The following SLC35F4 variants were observed in gnomAD, a reference collection of about 807,000 sequenced individuals.
The protein encoded by SLC35F4 is chromosome 14 open reading frame 36.
In SLC35F4, 24 loss-of-function variants were observed where a neutral mutation model predicts 44.2. The observed-to-expected ratio is 0.54, with a 90% CI of 0.39 to 0.76. SLC35F4 has a LOEUF of 0.76. Ranked by LOEUF, SLC35F4 falls within the 30% of genes least tolerant of loss-of-function variation. The probability of loss-of-function intolerance (pLI) is 0.00; values close to 1 mark genes in which losing one functional copy is unlikely to be tolerated. For synonymous variants in SLC35F4, 238 were observed against 223.6 expected, an observed-to-expected ratio of 1.06 and a Z score of -0.57; for missense variants, 562 against 586.1, an observed-to-expected ratio of 0.96 and a Z score of 0.42.
chr14:57,950,321 G>A (rs1890111581), intron 1 of SLC35F4, among the ~76,000 whole-genome samples: 1 of 151,730 alleles, frequency 6.6e-6, no homozygotes, highest in South Asian at 2.1e-4. Context: ...AGTCTCTACT[G>A]AAAGTTTCCA....
chr14:57,746,574 A>G (rs1214973244), intron 1 of SLC35F4, among the ~76,000 whole-genome samples: 1 of 151,938 alleles, frequency 6.6e-6, no homozygotes, highest in African/African-American at 2.4e-5. Context: ...TTTTGTATCT[A>G]TTTCATGAGG....
intron 3 of SLC35F4, among the ~76,000 whole-genome samples, chr14:57,586,902 C>G (rs567667066): frequency 1.5e-4 from 23 of 150,572 alleles, no homozygotes; most frequent in Non-Finnish European, 3.2e-4. Flanking sequence ...GCAATCTACC[C>G]TTCTGACAAA....
rs1555384207 is a variant in SLC35F4 at position 57,758,001 on chromosome 14, A to ATATGTGTG, written c.103+107721_103+107722insCACACATA. Among the ~76,000 whole-genome samples, 144 of 129,020 alleles carry ATATGTGTG rather than the reference A, an allele frequency of 1.1e-3. No homozygotes were observed. In the East Asian group the frequency reaches 0.018, roughly 16 times the overall value. 84.6% of individuals were successfully genotyped at this position (129,020 alleles called of 152,430 possible). ...TTTCTGGGTATAGGATTATAGGTTC[A>ATATGTGTG]TGTGTGTGTGTGTGTGTGTGTGTGT... On this transcript the variant is annotated intron_variant, in intron 1 of 7. Transcript: ENST00000556826.
intron 1 of SLC35F4, among the ~76,000 whole-genome samples, chr14:57,815,430 G>A (rs1566877052): frequency 6.6e-6 from 1 of 152,174 alleles, no homozygotes; most frequent in Non-Finnish European, 1.5e-5. Context: ...TCTAAGTCGT[G>A]TACAGAAAAT....
chr14:57,886,716 G>A (rs1595268639), intron 1 of SLC35F4, among the ~76,000 whole-genome samples: 1 of 151,986 alleles, frequency 6.6e-6, no homozygotes. Flanking sequence ...CCTCTGCAAA[G>A]GCCATGTCTT....
chr14:57,793,000 A>G (rs1450448021), intron 1 of SLC35F4, among the ~76,000 whole-genome samples: 2 of 152,172 alleles, frequency 1.3e-5, no homozygotes, highest in East Asian at 3.9e-4. Context: ...TTTTAAATTA[A>G]AAGCACTCAG....
chr14:57,956,361 A>T (rs1355853257), intron 1 of SLC35F4, among the ~76,000 whole-genome samples: 2 of 152,242 alleles, frequency 1.3e-5, no homozygotes, highest in African/African-American at 2.4e-5. Context: ...AGGCAATACC[A>T]TTCAGGACAT....
intron 1 of SLC35F4, among the ~76,000 whole-genome samples, chr14:57,943,859 T>C (rs1385915883): frequency 6.6e-6 from 1 of 152,224 alleles, no homozygotes; most frequent in Non-Finnish European, 1.5e-5. Flanking sequence ...TTCTTCTTTC[T>C]TGGACTTCCT....
intron 1 of SLC35F4, among the ~76,000 whole-genome samples, chr14:57,904,707 T>C (rs551587496): frequency 5.3e-5 from 8 of 152,254 alleles, no homozygotes; most frequent in African/African-American, 1.9e-4. Context: ...GTGGATACCG[T>C]TATTCTCTCC....
At chr14:57,674,687 G>A (rs1011726331) in intron 1 of SLC35F4, among the ~76,000 whole-genome samples, 19 of 152,154 alleles carry the variant, frequency 1.2e-4, no homozygotes, top group African/African-American at 4.6e-4. Context: ...CCTTTTTATG[G>A]ATGTTGGTAA....
At chr14:57,666,222 C>A (rs912598596) in intron 1 of SLC35F4, among the ~76,000 whole-genome samples, 4 of 152,336 alleles carry the variant, frequency 2.6e-5, no homozygotes, top group African/African-American at 7.2e-5. Flanking sequence ...ATCACAGAAT[C>A]TGTACGCATG....
chr14:57,893,632 C>T (rs115088368), intron 1 of SLC35F4, among the ~76,000 whole-genome samples: 25 of 152,244 alleles, frequency 1.6e-4, no homozygotes, highest in African/African-American at 6.0e-4. Flanking sequence ...TCTCTATGTC[C>T]AAGCACCTGC....
chr14:57,958,984 C>G (rs772300769), intron 1 of SLC35F4, among the ~76,000 whole-genome samples: 3 of 152,066 alleles, frequency 2.0e-5, no homozygotes, highest in African/African-American at 7.2e-5. Context: ...AAAAACAAAG[C>G]CAGAGGTGCA....
chr14:57,938,319 A>C (rs1889853171), intron 1 of SLC35F4, among the ~76,000 whole-genome samples: 1 of 152,194 alleles, frequency 6.6e-6, no homozygotes, highest in Non-Finnish European at 1.5e-5. Context: ...GTTCAGTCAC[A>C]AAGGGGAAGA....
chr14:57,645,186 C>T (rs1321660903), intron 1 of SLC35F4, among the ~76,000 whole-genome samples: 4 of 152,150 alleles, frequency 2.6e-5, no homozygotes, highest in African/African-American at 9.7e-5. Flanking sequence ...ATGGGGATGG[C>T]ATTGAATCTA....
chr14:57,707,368 T>A (rs1652136828), intron 1 of SLC35F4, among the ~76,000 whole-genome samples: 2 of 152,192 alleles, frequency 1.3e-5, no homozygotes, highest in Admixed American at 1.3e-4. Flanking sequence ...TCACCCATGC[T>A]GTTTTTATGA....
At chr14:57,961,672 A>G (rs1890341784) in intron 1 of SLC35F4, among the ~76,000 whole-genome samples, 1 of 152,098 alleles carries the variant, frequency 6.6e-6, no homozygotes, top group Admixed American at 6.5e-5. Context: ...TCTTCTCCTG[A>G]CATGCTTCTC....
intron 1 of SLC35F4, among the ~76,000 whole-genome samples, chr14:57,942,018 C>T (rs1024620416): frequency 1.3e-5 from 2 of 152,158 alleles, no homozygotes; most frequent in African/African-American, 2.4e-5. Flanking sequence ...TCCTTTGTCC[C>T]ATTACTTTGA....
At chr14:57,725,304 C>T (rs1031804697) in intron 1 of SLC35F4, among the ~76,000 whole-genome samples, 4 of 152,134 alleles carry the variant, frequency 2.6e-5, no homozygotes, top group African/African-American at 9.7e-5. Flanking sequence ...CTGCTGAGTG[C>T]CCAATTTGCC....
Sources: gnomAD v4.1 joint callset for allele counts (sites outside exome capture counted in the v4.1 genomes callset) on GRCh38, gnomAD v4.1.1 for gene constraint, MANE v1.5 for transcripts, NCBI Gene and HGNC (gene_info 2026-07-23, HGNC 2026-07-21) for gene names.